The following KAZN variants were observed in gnomAD, a reference collection of about 807,000 sequenced individuals.
The protein encoded by KAZN is kazrin, periplakin interacting protein, also known as kazrin.
Under a neutral mutation model 87.4 loss-of-function variants are expected in KAZN, and 40 were observed. The ratio of observed to expected loss-of-function variants is 0.46; its 90% confidence interval spans 0.36 to 0.60. The LOEUF is 0.60. Among genes scored for constraint, KAZN ranks in the 20% least tolerant of loss-of-function variants. The probability of loss-of-function intolerance (pLI) is 0.00; values close to 1 mark genes in which losing one functional copy is unlikely to be tolerated. For synonymous variants in KAZN, 466 were observed against 458.3 expected (o/e 1.02, Z -0.22); for missense variants, 898 against 1,073.9 (o/e 0.84, Z 2.29).
At chr1:14,969,900 A>G (rs556188524) in intron 2 of KAZN, among the ~76,000 whole-genome samples, 1 of 151,920 alleles carries the variant, frequency 6.6e-6, no homozygotes, top group East Asian at 1.9e-4. Flanking sequence ...TGCAACCTCT[A>G]CCTCCTGGGT....
At chr1:15,080,152 A>C (rs1639929187) in intron 8 of KAZN, among the ~76,000 whole-genome samples, 1 of 152,202 alleles carries the variant, frequency 6.6e-6, no homozygotes, top group Non-Finnish European at 1.5e-5. Context: ...GGTTGGGAGA[A>C]GGGTGGCTGG....
intron 2 of KAZN, among the ~76,000 whole-genome samples, chr1:15,008,152 C>G (rs919059064): frequency 6.6e-6 from 1 of 152,194 alleles, no homozygotes; most frequent in Admixed American, 6.5e-5. Flanking sequence ...AAGCTCAGCC[C>G]GAAGCTTATC....
chr1:14,310,927 G>A (rs1192896121), intron 2 of KAZN, among the ~76,000 whole-genome samples: 2 of 152,182 alleles, frequency 1.3e-5, no homozygotes. Context: ...CCACAACAAT[G>A]AACTATGTTG....
At chr1:14,973,436 G>A (rs145082278) in intron 2 of KAZN, among the ~76,000 whole-genome samples, 119 of 152,326 alleles carry the variant, frequency 7.8e-4, no homozygotes, top group African/African-American at 2.5e-3. Context: ...AAAGGGGCAC[G>A]AGAGCCTTTA....
At chr1:14,678,899 C>G (rs1640402627) in intron 1 of KAZN, among the ~76,000 whole-genome samples, 1 of 152,158 alleles carries the variant, frequency 6.6e-6, no homozygotes, top group Non-Finnish European at 1.5e-5. Flanking sequence ...AGGGCATCAG[C>G]CTCACCTTTT....
chr1:14,208,577 T>G (rs1186895154), intron 2 of KAZN, among the ~76,000 whole-genome samples: 1 of 152,228 alleles, frequency 6.6e-6, no homozygotes, highest in African/African-American at 2.4e-5. Context: ...ATAATCACTT[T>G]GTAATTACAA....
chr1:14,407,031 T>C (rs896097195), intron 2 of KAZN, among the ~76,000 whole-genome samples: 3 of 152,210 alleles, frequency 2.0e-5, no homozygotes, highest in Non-Finnish European at 4.4e-5. Context: ...ACCCCCAAAA[T>C]AGATCACTTA....
intron 2 of KAZN, among the ~76,000 whole-genome samples, chr1:14,417,209 A>G (rs1013093274): frequency 6.6e-6 from 1 of 152,030 alleles, no homozygotes; most frequent in East Asian, 1.9e-4. Flanking sequence ...AAAAACAAAG[A>G]AAAACAATAA....
chr1:14,369,516 A>C (rs1303765152), intron 2 of KAZN, among the ~76,000 whole-genome samples: 1 of 152,184 alleles, frequency 6.6e-6, no homozygotes, highest in Non-Finnish European at 1.5e-5. Flanking sequence ...GAGAATGGTA[A>C]AAGGGAAGAG....
chr1:14,714,786 C>CTTTTTTTTTTTTTT (rs1307881138), intron 1 of KAZN, among the ~76,000 whole-genome samples: 3 of 131,156 alleles, frequency 2.3e-5, no homozygotes, highest in African/African-American at 2.9e-5. Context: ...TTTTCTTTTT[C>CTTTTTTTTTTTTTT]TTTTTTTTTT....
chr1:14,522,939 G>C (rs1671662860), intron 2 of KAZN, among the ~76,000 whole-genome samples: 1 of 152,176 alleles, frequency 6.6e-6, no homozygotes, highest in Non-Finnish European at 1.5e-5. Context: ...TTCCCACCCA[G>C]AGGGTCTTTC....
At chr1:14,889,761 T>C (rs1654498207) in intron 1 of KAZN, among the ~76,000 whole-genome samples, 1 of 152,220 alleles carries the variant, frequency 6.6e-6, no homozygotes, top group East Asian at 1.9e-4. Context: ...CGATGTGAAA[T>C]TTATACAAAA....
At chr1:14,468,270 T>C (rs1668269904) in intron 2 of KAZN, among the ~76,000 whole-genome samples, 1 of 152,226 alleles carries the variant, frequency 6.6e-6, no homozygotes, top group Non-Finnish European at 1.5e-5. Context: ...GCTCTTTTGA[T>C]ACATGAAACA....
chr1:15,086,804 C>A lies in KAZN; in HGVS notation c.1223-7376C>A, dbSNP rs192487654. 3.0e-4 allele frequency among the ~76,000 whole-genome samples: 45 copies of A among 152,074 alleles called. No homozygotes were observed. The East Asian group carries it at 8.1e-3, about 27-fold the overall frequency. On this transcript the variant is annotated intron_variant, in intron 8 of 14. Coordinates refer to ENST00000376030, the MANE Select transcript of KAZN (RefSeq NM_201628.3). ...GGATGGCATTAGGATATTGAACAACCCTAGGTTTTATTAAGGTAAATAGGT... is the reference window on the plus strand; with the variant it reads ...GGATGGCATTAGGATATTGAACAACACTAGGTTTTATTAAGGTAAATAGGT...
chr1:15,108,484 G>A (rs953748686), intron 13 of KAZN, among the ~76,000 whole-genome samples: 1 of 152,230 alleles, frequency 6.6e-6, no homozygotes, highest in Admixed American at 6.5e-5. Flanking sequence ...CAATGGGGAT[G>A]ATCACTCCTT....
At chr1:14,909,859 C>T (rs1265809153) in intron 1 of KAZN, among the ~76,000 whole-genome samples, 1 of 152,066 alleles carries the variant, frequency 6.6e-6, no homozygotes, top group Non-Finnish European at 1.5e-5. Flanking sequence ...TCGAGATCAG[C>T]GTGGGCAACA....
intron 1 of KAZN, among the ~76,000 whole-genome samples, chr1:13,933,230 C>T (rs546958709): frequency 1.9e-4 from 29 of 151,974 alleles, no homozygotes; most frequent in Non-Finnish European, 3.2e-4. Flanking sequence ...CAGTGGCTCA[C>T]ATCTGTAATA....
At chr1:14,035,223 C>T (rs146674752) in intron 1 of KAZN, among the ~76,000 whole-genome samples, 66 of 152,174 alleles carry the variant, frequency 4.3e-4, no homozygotes, top group Middle Eastern at 3.4e-3. Context: ...CCGTGGTTGC[C>T]GCAGTGGAAT....
chr1:14,827,868 C>T (rs956361541), intron 1 of KAZN, among the ~76,000 whole-genome samples: 1 of 152,208 alleles, frequency 6.6e-6, no homozygotes, highest in Non-Finnish European at 1.5e-5. Flanking sequence ...CTTGGGGTTT[C>T]ACATGTTGTC....
Sources: allele counts gnomAD v4.1 joint callset (sites outside exome capture counted in the v4.1 genomes callset), GRCh38; gene constraint gnomAD v4.1.1; transcripts MANE v1.5; gene names NCBI Gene and HGNC (gene_info 2026-07-23, HGNC 2026-07-21).